SGCZ: variants seen among roughly 807,000 people sequenced by gnomAD.
The protein encoded by SGCZ is zeta-sarcoglycan.
SGCZ carries 40 observed loss-of-function variants against 41.3 expected under a neutral mutation model. That is an observed-to-expected ratio of 0.97 (90% CI 0.75 to 1.26). SGCZ has a LOEUF of 1.26. Ranked by LOEUF, SGCZ falls within the 50% of genes most tolerant of loss-of-function variation. The pLI is 0.00. For synonymous variants in SGCZ, 206 were observed against 137.5 expected, an observed-to-expected ratio of 1.50 and a Z score of -3.49; for missense variants, 552 against 369.8, an observed-to-expected ratio of 1.49 and a Z score of -4.04.
At chr8:15,081,833 A>C (rs1805758549) in intron 1 of SGCZ, among the ~76,000 whole-genome samples, 1 of 152,236 alleles carries the variant, frequency 6.6e-6, no homozygotes, top group South Asian at 2.1e-4. Flanking sequence ...AGACAGAGAT[A>C]CAAAGGAACA....
intron 1 of SGCZ, among the ~76,000 whole-genome samples, chr8:14,895,403 G>C (rs1805160762): frequency 6.6e-6 from 1 of 152,094 alleles, no homozygotes; most frequent in Non-Finnish European, 1.5e-5. Flanking sequence ...ATGCACATCT[G>C]TGTGTGTTTT....
chr8:14,837,726 AATGGG>A (rs1290404102), intron 1 of SGCZ, among the ~76,000 whole-genome samples: 1 of 152,066 alleles, frequency 6.6e-6, no homozygotes, highest in Non-Finnish European at 1.5e-5. Flanking sequence ...TGTATATTAC[AATGGG>A]ATGGGTTTTT....
chr8:15,115,324 A>G (rs1222306054), intron 1 of SGCZ, among the ~76,000 whole-genome samples: 1 of 152,168 alleles, frequency 6.6e-6, no homozygotes. Context: ...GTAATTTGCT[A>G]GAAGTAGTAA....
At chr8:14,727,530 AG>A (rs1263344582) in intron 1 of SGCZ, among the ~76,000 whole-genome samples, 1 of 144,846 alleles carries the variant, frequency 6.9e-6, no homozygotes, top group Non-Finnish European at 1.5e-5. Context: ...TTTTTTTTTG[AG>A]GTGGAGTCTC....
intron 1 of SGCZ, among the ~76,000 whole-genome samples, chr8:14,839,645 A>G (rs1440888633): frequency 6.6e-6 from 1 of 152,154 alleles, no homozygotes; most frequent in African/African-American, 2.4e-5. Flanking sequence ...CCTCCCTGAT[A>G]TACTGTAGTT....
intron 2 of SGCZ, among the ~76,000 whole-genome samples, chr8:14,513,220 A>G (rs1448327147): frequency 2.0e-5 from 3 of 151,648 alleles, no homozygotes; most frequent in African/African-American, 4.8e-5. Context: ...TTTTCTTTGT[A>G]GAGACAGGGG....
intron 4 of SGCZ, among the ~76,000 whole-genome samples, chr8:14,224,668 C>A (rs144363020): frequency 6.6e-6 from 1 of 152,078 alleles, no homozygotes; most frequent in Non-Finnish European, 1.5e-5. Flanking sequence ...CACAGAAAAG[C>A]TTTTATTGTG....
At chr8:14,879,595 G>GACACACACAC (rs33933535) in intron 1 of SGCZ, among the ~76,000 whole-genome samples, 2 of 147,114 alleles carry the variant, frequency 1.4e-5, no homozygotes, top group African/African-American at 5.0e-5. Context: ...CAGACACACA[G>GACACACACAC]ACACACACAC....
At chr8:15,061,768 G>A (rs148881478) in intron 1 of SGCZ, among the ~76,000 whole-genome samples, 5 of 151,974 alleles carry the variant, frequency 3.3e-5, no homozygotes. Flanking sequence ...CTCCAAAAGT[G>A]AGACAGATAA....
intron 2 of SGCZ, among the ~76,000 whole-genome samples, chr8:14,349,431 T>C (rs1273245947): frequency 1.3e-5 from 2 of 152,176 alleles, no homozygotes; most frequent in African/African-American, 4.8e-5. Context: ...CTAGATTCTC[T>C]GCAGGCTTTC....
At chr8:14,379,695 G>A (rs1234112449) in intron 2 of SGCZ, among the ~76,000 whole-genome samples, 1 of 151,940 alleles carries the variant, frequency 6.6e-6, no homozygotes, top group African/African-American at 2.4e-5. Flanking sequence ...ATTGCAGGAT[G>A]GGAGCTCCTA....
At chr8:14,850,569 G>A (rs1361547952) in intron 1 of SGCZ, among the ~76,000 whole-genome samples, 1 of 152,126 alleles carries the variant, frequency 6.6e-6, no homozygotes, top group Non-Finnish European at 1.5e-5. Flanking sequence ...AAGACATGGA[G>A]CTACTTCATA....
chr8:14,707,525 A>G (rs1809371091), intron 1 of SGCZ, among the ~76,000 whole-genome samples: 1 of 152,112 alleles, frequency 6.6e-6, no homozygotes, highest in Admixed American at 6.5e-5. Flanking sequence ...AAGAACCTCA[A>G]ATCTACGTCT....
chr8:14,250,422 TA>T (rs1468760916), intron 3 of SGCZ, among the ~76,000 whole-genome samples: 2 of 152,148 alleles, frequency 1.3e-5, no homozygotes, highest in Non-Finnish European at 2.9e-5. Context: ...CTACATTTTC[TA>T]ATCTTTTTTA....
At chr8:14,473,707 G>A (rs529099963) in intron 2 of SGCZ, among the ~76,000 whole-genome samples, 4 of 152,090 alleles carry the variant, frequency 2.6e-5, no homozygotes, top group Non-Finnish European at 5.9e-5. Flanking sequence ...GGAGGTCGAG[G>A]TGGGTGGATC....
chr8:15,224,745 G>A (rs1801711955), intron 1 of SGCZ, among the ~76,000 whole-genome samples: 1 of 151,900 alleles, frequency 6.6e-6, no homozygotes, highest in Admixed American at 6.6e-5. Flanking sequence ...GAATACTTAT[G>A]AGAAAAACTA....
At chr8:14,234,286 T>C (rs917372183) in intron 4 of SGCZ, among the ~76,000 whole-genome samples, 7 of 152,050 alleles carry the variant, frequency 4.6e-5, no homozygotes, top group Non-Finnish European at 8.8e-5. Flanking sequence ...AATTAGTACA[T>C]AGGATGGCCT....
At chr8:14,175,147 G>T (rs1804505095) in intron 4 of SGCZ, among the ~76,000 whole-genome samples, 1 of 151,992 alleles carries the variant, frequency 6.6e-6, no homozygotes, top group Non-Finnish European at 1.5e-5. Flanking sequence ...TGCCCTAGAA[G>T]AAAAAAATTT....
chr8:14,905,322 G>A (rs949635215), intron 1 of SGCZ, among the ~76,000 whole-genome samples: 1 of 151,884 alleles, frequency 6.6e-6, no homozygotes, highest in African/African-American at 2.4e-5. Context: ...AATGGTAAAT[G>A]GTAGGGATAT....
Sources: gnomAD v4.1 joint callset for allele counts (sites outside exome capture counted in the v4.1 genomes callset) on GRCh38, gnomAD v4.1.1 for gene constraint, MANE v1.5 for transcripts, NCBI Gene and HGNC (gene_info 2026-07-23, HGNC 2026-07-21) for gene names.